Variants in GUCY1A2 observed in about 807,000 individuals in gnomAD.
GUCY1A2 encodes the protein guanylate cyclase 1 soluble subunit alpha 2.
GUCY1A2 carries 27 observed loss-of-function variants against 63.5 expected under a neutral mutation model. That is an observed-to-expected ratio of 0.43 (90% CI 0.31 to 0.59). The LOEUF is 0.59. GUCY1A2 is among the 20% of genes least tolerant of loss of function. The probability of loss-of-function intolerance (pLI) is 0.11; values close to 1 mark genes in which losing one functional copy is unlikely to be tolerated. For missense variants in GUCY1A2, 768 were observed against 913.3 expected (o/e 0.84, Z 2.05); for synonymous variants, 364 against 343.5 (o/e 1.06, Z -0.66).
chr11:106,972,690 C>T (rs1861211433), intron 3 of GUCY1A2, among the ~76,000 whole-genome samples: 1 of 152,046 alleles, frequency 6.6e-6, no homozygotes, highest in Admixed American at 6.6e-5. Context: ...GAAAAAATAT[C>T]TAGGAGAAGA....
At chr11:107,005,982 A>G (rs754618250) in intron 1 of GUCY1A2, among the ~76,000 whole-genome samples, 1 of 152,242 alleles carries the variant, frequency 6.6e-6, no homozygotes, top group Non-Finnish European at 1.5e-5. Context: ...GGTGTTAGCT[A>G]AAGGCACCAA....
At chr11:106,946,544 T>C (rs995611190) in intron 3 of GUCY1A2, among the ~76,000 whole-genome samples, 2 of 151,292 alleles carry the variant, frequency 1.3e-5, no homozygotes, top group East Asian at 3.9e-4. Flanking sequence ...TCAAAGAAAC[T>C]GCAAGAAAAA....
chr11:107,010,015 T>C (rs1861722214), intron 1 of GUCY1A2, among the ~76,000 whole-genome samples: 1 of 152,182 alleles, frequency 6.6e-6, no homozygotes, highest in East Asian at 1.9e-4. Context: ...CTCAGGTATG[T>C]CTTGTGTTCA....
chr11:106,788,133 A>G (rs936116435), intron 5 of GUCY1A2, among the ~76,000 whole-genome samples: 4 of 152,288 alleles, frequency 2.6e-5, no homozygotes, highest in Admixed American at 2.6e-4. Context: ...TTCTCTGATG[A>G]TCAAAGATAT....
chr11:106,804,426 C>T (rs746355762), intron 5 of GUCY1A2, among the ~76,000 whole-genome samples: 20 of 152,102 alleles, frequency 1.3e-4, no homozygotes, highest in Admixed American at 2.6e-4. Flanking sequence ...CTGCAAATGA[C>T]GTAAAATGGC....
chr11:106,899,119 G>T (rs1426352009), intron 4 of GUCY1A2, among the ~76,000 whole-genome samples: 3 of 152,024 alleles, frequency 2.0e-5, no homozygotes, highest in Non-Finnish European at 2.9e-5. Context: ...TTAAAATCTG[G>T]TGGAACATGT....
chr11:106,856,379 A>C (rs1176006789), intron 4 of GUCY1A2, among the ~76,000 whole-genome samples: 3 of 152,160 alleles, frequency 2.0e-5, no homozygotes, highest in Non-Finnish European at 4.4e-5. Flanking sequence ...GTCATTTTAC[A>C]TAAGTAATAT....
At chr11:106,895,578 G>T (rs1860035949) in intron 4 of GUCY1A2, among the ~76,000 whole-genome samples, 1 of 152,090 alleles carries the variant, frequency 6.6e-6, no homozygotes, top group Admixed American at 6.6e-5. Context: ...CTTGCCAGCT[G>T]CCATGTAAGA....
chr11:106,897,689 A>G (rs1339737722), intron 4 of GUCY1A2, among the ~76,000 whole-genome samples: 1 of 152,092 alleles, frequency 6.6e-6, no homozygotes, highest in Non-Finnish European at 1.5e-5. Flanking sequence ...TACAGACCTC[A>G]TATCTTTCAC....
intron 4 of GUCY1A2, among the ~76,000 whole-genome samples, chr11:106,866,919 T>C (rs1188124620): frequency 3.9e-5 from 6 of 152,046 alleles, no homozygotes. Flanking sequence ...AAAAAATCTA[T>C]TTTAAAAGAT....
intron 3 of GUCY1A2, among the ~76,000 whole-genome samples, chr11:106,977,403 C>T (rs1861276544): frequency 6.6e-6 from 1 of 152,174 alleles, no homozygotes; most frequent in African/African-American, 2.4e-5. Context: ...GGTGATGAAT[C>T]TTTGGCCTCC....
chr11:106,972,227 A>C (rs1861204983), intron 3 of GUCY1A2, among the ~76,000 whole-genome samples: 1 of 152,182 alleles, frequency 6.6e-6, no homozygotes. Flanking sequence ...TAACCTATCA[A>C]TATTGTTTTA....
intron 7 of GUCY1A2, among the ~76,000 whole-genome samples, chr11:106,697,550 C>T (rs1304881818): frequency 1.3e-5 from 2 of 152,002 alleles, no homozygotes; most frequent in Non-Finnish European, 2.9e-5. Context: ...AACATATTTC[C>T]TTAATACAAC....
intron 6 of GUCY1A2, among the ~76,000 whole-genome samples, chr11:106,713,728 G>C (rs376003914): frequency 6.6e-6 from 1 of 151,790 alleles, no homozygotes. Context: ...GGATGGTCTC[G>C]ATCTCCTGAC....
At chr11:106,872,072 A>G (rs1298689356) in intron 4 of GUCY1A2, among the ~76,000 whole-genome samples, 2 of 152,206 alleles carry the variant, frequency 1.3e-5, no homozygotes, top group African/African-American at 2.4e-5. Flanking sequence ...GGATTAAAAA[A>G]CATAAGCGGT....
At chr11:106,690,994 TATA>T (rs1862613880) in intron 7 of GUCY1A2, among the ~76,000 whole-genome samples, 1 of 152,238 alleles carries the variant, frequency 6.6e-6, no homozygotes, top group Non-Finnish European at 1.5e-5. Flanking sequence ...ACTATTAATA[TATA>T]ATCAGTCACT....
intron 6 of GUCY1A2, among the ~76,000 whole-genome samples, chr11:106,727,727 G>A (rs910242432): frequency 9.2e-5 from 14 of 152,110 alleles, no homozygotes; most frequent in South Asian, 6.2e-4. Context: ...AATCGCTTAG[G>A]AAGTATCTTG....
At chr11:106,913,223 T>A (rs1241271337) in intron 4 of GUCY1A2, among the ~76,000 whole-genome samples, 1 of 152,168 alleles carries the variant, frequency 6.6e-6, no homozygotes, top group East Asian at 1.9e-4. Flanking sequence ...CTTGCACTGC[T>A]ATAAAGGAAT....
At chr11:106,861,305 ATTGTGTG>A (rs1483438275) in intron 4 of GUCY1A2, among the ~76,000 whole-genome samples, 2 of 60,978 alleles carry the variant, frequency 3.3e-5, no homozygotes, top group Non-Finnish European at 8.8e-5. Context: ...TGCTGTATAA[ATTGTGTG>A]AAATGTCATT....
Sources: gnomAD v4.1 joint callset for allele counts (sites outside exome capture counted in the v4.1 genomes callset) on GRCh38, gnomAD v4.1.1 for gene constraint, MANE v1.5 for transcripts, NCBI Gene and HGNC (gene_info 2026-07-23, HGNC 2026-07-21) for gene names.